Variants in MPRIP observed in about 807,000 individuals in gnomAD.
MPRIP encodes myosin phosphatase Rho-interacting protein.
MPRIP carries 59 observed loss-of-function variants against 234.9 expected under a neutral mutation model. The ratio of observed to expected loss-of-function variants is 0.25; its 90% CI spans 0.20 to 0.31. The LOEUF is 0.31. Ranked by LOEUF, MPRIP falls within the 10% of genes least tolerant of loss-of-function variation. The pLI is 1.00. For synonymous variants in MPRIP, 1,144 were observed against 1,263.9 expected (o/e 0.91, Z 2.01); for missense variants, 2,436 against 3,071.0 (o/e 0.79, Z 4.89).
intron 1 of MPRIP, among the ~76,000 whole-genome samples, chr17:17,061,291 T>C (rs1337286764): frequency 1.3e-5 from 2 of 152,180 alleles, no homozygotes; most frequent in Admixed American, 6.5e-5. Flanking sequence ...CCTTGAAGTC[T>C]CCCATGATTT....
intron 3 of MPRIP, among the ~76,000 whole-genome samples, chr17:17,121,269 G>A (rs1441058258): frequency 4.6e-5 from 7 of 152,192 alleles, no homozygotes; most frequent in South Asian, 4.1e-4. Flanking sequence ...CTATTGCTGC[G>A]AAGCCATAAA....
At position 17,078,004 on chromosome 17, in the gene MPRIP, G is replaced by C. The variant is rs143044060; in HGVS notation, c.202-7G>C. Reference sequence around the variant, plus strand: ...CTCCTAACCACCCACCTTGTGCTCCGTTGCAGAAATGGCAGCGACGGTTCT... The same window carrying C: ...CTCCTAACCACCCACCTTGTGCTCCCTTGCAGAAATGGCAGCGACGGTTCT... On this transcript the variant is annotated splice_polypyrimidine_tract_variant and splice_region_variant and intron_variant, in intron 2 of 23. Transcript: ENST00000651222. The surrounding 1 kb of genome is among the most constrained non-coding windows in gnomAD (Gnocchi z 4.3). 9.3e-6 allele frequency: 15 copies of C among 1,614,050 alleles called. No individual in the cohort carries two copies. In the East Asian group the frequency reaches 3.3e-4, roughly 36 times the overall value.
intron 1 of MPRIP, 123 bp from the exon 2 acceptor site, chr17:17,075,587 G>T: frequency 1.3e-6 from 1 of 783,858 alleles, no homozygotes; most frequent in African/African-American, 1.7e-5. Context: ...GTGGAAATAG[G>T]TGTCATGACC....
chr17:17,153,068 G>A (rs372743631), intron 12 of MPRIP, among the ~76,000 whole-genome samples: 2 of 152,186 alleles, frequency 1.3e-5, no homozygotes, highest in Non-Finnish European at 2.9e-5. Flanking sequence ...GCCCACACCT[G>A]GGGGTGGAGA....
In MPRIP at chr17:17,189,886, C is replaced by G. The variant is rs1365329823; in HGVS notation, c.*4992C>G. 1 of 152,210 alleles carries G rather than the reference C, an allele frequency of 6.6e-6. No homozygotes were observed. 9.4% of individuals were successfully genotyped at this position (152,210 alleles called of 1,614,324 possible). ...CTTTCAGCTGAAGTGAGCGAAGGTT[C>G]TCAGTGCTGGCAAAAGAGCCCACTT... On this transcript the variant is annotated 3_prime_UTR_variant, in exon 24 of 24. Transcript: ENST00000651222.
chr17:17,178,009 C>T (rs866185060), intron 22 of MPRIP, among the ~76,000 whole-genome samples: 4 of 151,650 alleles, frequency 2.6e-5, no homozygotes, highest in African/African-American at 9.7e-5. Flanking sequence ...GCAGCCTCCG[C>T]CTCCCAGGCT....
Position 17,142,712 on chromosome 17 carries a change from T to C in MPRIP, c.1336T>C (p.Ser446Pro), listed in dbSNP as rs1428066097. Residue 446 changes from serine (S) to proline (P), a missense_variant, in exon 8 of 24, where the codon TCC becomes CCC. Around this residue, in one of 4 missense-constraint regions of MPRIP, gnomAD observed 267 missense variants for 252.7 expected, o/e 1.06. Coordinates refer to ENST00000651222, the MANE Select transcript of MPRIP (RefSeq NM_001364716.4). ...GACCAATGCAGTGGGGCCCTCACCA[T>C]CCAGCGACACACGCCAGGGCCGCAG... ...METNAVGPSP[S>P]SDTRQGRSEK... is the part of the protein sequence containing the mutation. The C allele has an allele frequency of 6.2e-7, 1 of 1,612,410 alleles. No individual in the cohort carries two copies. The highest frequency in any genetic ancestry group is 1.1e-5 in the South Asian group (1 of 91,012).
intron 23 of MPRIP, chr17:17,182,830 T>TCCCCAACAAGCAGGAAC (rs2046400181): frequency 6.6e-6 from 1 of 152,266 alleles, no homozygotes; most frequent in African/African-American, 2.4e-5. Flanking sequence ...CTCACTACAG[T>TCCCCAACAAGCAGGAAC]CCTGACAGAA....
At position 17,136,381 on chromosome 17, in the gene MPRIP, C is replaced by G. The variant is rs745873815; in HGVS notation, c.667C>G (p.Gln223Glu). 33 of 1,610,052 alleles carry G rather than the reference C, an allele frequency of 2.0e-5. No homozygotes were observed. The highest frequency in any genetic ancestry group is 5.3e-5 in the African/African-American group (4 of 74,792). ...AGATGGCAGCAGCCTGAGTCCAGCT[C>G]AGAGTCCCAGCCAGAGCCAGCCTCC... The part of the protein sequence containing the change: ...QPDGSSLSPA[Q>E]SPSQSQPPAA... The change falls in exon 6 of 24, where the codon CAG becomes GAG. Residue 223 changes from glutamine (Q) to glutamate (E), a missense_variant. Coordinates refer to ENST00000651222, the MANE Select transcript of MPRIP (RefSeq NM_001364716.4).
At chr17:17,142,058 C>T (rs2045336492) in intron 7 of MPRIP, 1 of 154,674 alleles carries the variant, frequency 6.5e-6, no homozygotes, top group African/African-American at 2.4e-5. Flanking sequence ...CGCTGCGCCT[C>T]CTCCACCCGC....
At position 17,175,331 on chromosome 17, in the gene MPRIP, G is replaced by A. The variant is rs769496701; in HGVS notation, c.6789G>A (p.Leu2263=). Residue 2263 remains leucine, a synonymous_variant, in exon 20 of 24, where the codon TTG becomes TTA. Coordinates refer to ENST00000651222, the MANE Select transcript of MPRIP (RefSeq NM_001364716.4). ...GCCTGGCTGCAGAGATCACACGGTT[G>A]CGGACGCTGCTGACTGGGGACGGCG... The part of the protein sequence containing the change: ...NNRLAAEITR[L]RTLLTGDGGG... The A allele has an allele frequency of 1.5e-5, 25 of 1,613,494 alleles. No individual in the cohort carries two copies. The highest frequency in any genetic ancestry group is 1.9e-5 in the Non-Finnish European group (23 of 1,180,028).
At chr17:17,170,620 C>G (rs919479025) in intron 16 of MPRIP, among the ~76,000 whole-genome samples, 1 of 152,210 alleles carries the variant, frequency 6.6e-6, no homozygotes, top group Non-Finnish European at 1.5e-5. Flanking sequence ...AGAAGATTAA[C>G]CAAGTGGTGC....
chr17:17,069,852 C>T (rs1279934314), intron 1 of MPRIP, among the ~76,000 whole-genome samples: 1 of 152,102 alleles, frequency 6.6e-6, no homozygotes, highest in Non-Finnish European at 1.5e-5. Flanking sequence ...TGTGTTCTTT[C>T]TTCCTTTCAG....
chr17:17,176,317 C>A, intron 20 of MPRIP, 109 bp from the exon 21 acceptor site: 2 of 807,320 alleles, frequency 2.5e-6, no homozygotes, highest in Non-Finnish European at 4.3e-6. Context: ...CACGAGGCTG[C>A]CCTGCTCACT....
At chr17:17,143,752 G>C (rs1449743234) in intron 9 of MPRIP, 83 bp downstream of exon 9, 2 of 859,762 alleles carry the variant, frequency 2.3e-6, no homozygotes, top group East Asian at 6.1e-5. Flanking sequence ...CTGTCTATGC[G>C]TCCATGCCAG....
chr17:17,053,977 A>G (rs899711259), intron 1 of MPRIP, among the ~76,000 whole-genome samples: 1 of 152,258 alleles, frequency 6.6e-6, no homozygotes, highest in Non-Finnish European at 1.5e-5. Flanking sequence ...ACAACACACA[A>G]CCAAACCAAT....
chr17:17,170,608 C>T (rs1212330947), intron 16 of MPRIP, among the ~76,000 whole-genome samples: 1 of 152,192 alleles, frequency 6.6e-6, no homozygotes, highest in African/African-American at 2.4e-5. Context: ...AATCCACATG[C>T]AAGAAGATTA....
intron 5 of MPRIP, among the ~76,000 whole-genome samples, chr17:17,131,997 G>A (rs1210804266): frequency 6.6e-6 from 1 of 152,204 alleles, no homozygotes; most frequent in Admixed American, 6.5e-5. Context: ...TGGCAGCTGG[G>A]GAGGGGCAGC....
intron 1 of MPRIP, among the ~76,000 whole-genome samples, chr17:17,044,166 C>A (rs2088271750): frequency 6.6e-6 from 1 of 152,274 alleles, no homozygotes. Context: ...ATCTAAACCC[C>A]AAAAGCTTAA....
Sources: allele counts gnomAD v4.1 joint callset (sites outside exome capture counted in the v4.1 genomes callset), GRCh38; gene constraint gnomAD v4.1.1; regional missense constraint gnomAD v4.1.1; non-coding constraint Gnocchi (gnomAD v3.1); transcripts MANE v1.5; gene names NCBI Gene and HGNC (gene_info 2026-07-23, HGNC 2026-07-21).